The following ABCA10 variants were observed in gnomAD, a reference collection of about 807,000 sequenced individuals.
ABCA10 encodes ATP-binding cassette sub-family A member 10.
In ABCA10, 169 loss-of-function variants were observed where a neutral mutation model predicts 187.5. The observed-to-expected ratio is 0.90, with a 90% CI of 0.80 to 1.02. The LOEUF is 1.02. ABCA10 is among the 50% of genes least tolerant of loss of function. The pLI is 0.00. For synonymous variants in ABCA10, 574 were observed against 601.8 expected (o/e 0.95, Z 0.68); for missense variants, 1,727 against 1,812.4 (o/e 0.95, Z 0.86).
chr17:69,236,066 A>G (rs2074868428), intron 1 of ABCA10, among the ~76,000 whole-genome samples: 2 of 152,204 alleles, frequency 1.3e-5, no homozygotes, highest in Admixed American at 6.5e-5. Context: ...GACAAAGATA[A>G]GATCCTGGGT....
chr17:69,239,360 G>A (rs1035705764), intron 1 of ABCA10, among the ~76,000 whole-genome samples: 3 of 152,150 alleles, frequency 2.0e-5, no homozygotes, highest in African/African-American at 7.2e-5. Context: ...AAACATGTGA[G>A]CTGCAAAAGA....
intron 6 of ABCA10, among the ~76,000 whole-genome samples, chr17:69,217,419 A>T (rs1279383313): frequency 6.6e-6 from 1 of 152,164 alleles, no homozygotes; most frequent in Non-Finnish European, 1.5e-5. Flanking sequence ...CATTTTTCCC[A>T]GAAAAATTAA....
chr17:69,160,251 G>T (rs1410624146), intron 27 of ABCA10, among the ~76,000 whole-genome samples: 1 of 152,086 alleles, frequency 6.6e-6, no homozygotes, highest in African/African-American at 2.4e-5. Flanking sequence ...TTAATATTCA[G>T]AATATATTTT....
chr17:69,153,549 G>A lies in ABCA10; in HGVS notation c.3966-3C>T. Reference sequence around the variant, plus strand: ...GGAGCTTAAGAGCTTCCACCAATCTGACAAAAAACAGTGTGATTATACATG... The same window carrying A: ...GGAGCTTAAGAGCTTCCACCAATCTAACAAAAAACAGTGTGATTATACATG... On this transcript the variant is annotated splice_region_variant and splice_polypyrimidine_tract_variant and intron_variant, in intron 32 of 38. Coordinates refer to ENST00000690296, the MANE Select transcript of ABCA10 (RefSeq NM_001377321.1). 1 of 1,613,204 alleles carries A rather than the reference G, an allele frequency of 6.2e-7. No individual in the cohort carries two copies.
upstream of ABCA10, among the ~76,000 whole-genome samples, chr17:69,230,788 G>A (rs978636609): frequency 1.3e-5 from 2 of 152,002 alleles, no homozygotes; most frequent in Admixed American, 1.3e-4. Context: ...CAACACCACT[G>A]CAGAATCCTT....
chr17:69,222,174 G>A (rs1474539197), intron 4 of ABCA10, among the ~76,000 whole-genome samples: 6 of 151,970 alleles, frequency 3.9e-5, no homozygotes, highest in South Asian at 4.2e-4. Flanking sequence ...GACCAACATG[G>A]TGAAACCCCA....
intron 28 of ABCA10, 145 bp from the exon 29 acceptor site, chr17:69,156,070 G>A: frequency 1.1e-6 from 1 of 946,930 alleles, no homozygotes; most frequent in Non-Finnish European, 1.5e-6. Flanking sequence ...CTTCTTGGCA[G>A]TAATAACACC....
chr17:69,210,845 C>CATATATATATATATATAAATATAT (rs1568069877), intron 9 of ABCA10, among the ~76,000 whole-genome samples: 1 of 13,246 alleles, frequency 7.5e-5, no homozygotes, highest in African/African-American at 4.2e-4. Context: ...ATATTTATGC[C>CATATATATATATATATAAATATAT]ACATATATAT....
chr17:69,149,270 A>T (rs2074110514), intron 37 of ABCA10, 182 bp from the exon 38 acceptor site: 3 of 615,260 alleles, frequency 4.9e-6, no homozygotes, highest in Non-Finnish European at 8.2e-6. Context: ...GCCATGCATG[A>T]ACATATTCAG....
At chr17:69,152,510 T>C (rs774548445) in intron 34 of ABCA10, 29 bp from the exon 35 acceptor site, 1 of 1,580,996 alleles carries the variant, frequency 6.3e-7, no homozygotes, top group South Asian at 1.2e-5. Flanking sequence ...ATTGTTTGCA[T>C]TTAGAAAGTA....
intron 9 of ABCA10, among the ~76,000 whole-genome samples, chr17:69,210,572 A>G (rs12451663): frequency 0.64 from 97,393 of 151,254 alleles, 31,824 homozygotes; most frequent in Middle Eastern, 0.68. Flanking sequence ...TTATCCTTCA[A>G]CCCCTCATCC....
At chr17:69,222,895 A>G (rs2074761460) in intron 3 of ABCA10, among the ~76,000 whole-genome samples, 198 bp from the exon 4 acceptor site, 1 of 152,182 alleles carries the variant, frequency 6.6e-6, no homozygotes, top group Admixed American at 6.5e-5. Context: ...CAAAGGACAC[A>G]TTGTCTTTTA....
In ABCA10 at chr17:69,193,389, T is replaced by A. The variant is rs1181497263; in HGVS notation, c.1641+104A>T. 15 of 1,504,820 alleles carry A rather than the reference T, an allele frequency of 1.0e-5. No homozygotes were observed. The East Asian group carries it at 3.3e-4, about 33-fold the overall frequency. 93.2% of individuals were successfully genotyped at this position (1,504,820 alleles called of 1,614,324 possible). ...AACAAGCTTGCATGGTACTTTATTA[T>A]AAATTTTCCCTCACATTTGGTAATT... is the stretch of plus-strand genomic sequence containing the variant. On this transcript the variant is annotated intron_variant, in intron 14 of 38. Coordinates refer to ENST00000690296, the MANE Select transcript of ABCA10 (RefSeq NM_001377321.1).
At chr17:69,221,997 G>A (rs2074752117) in intron 4 of ABCA10, 102 bp from the exon 5 acceptor site, 12 of 834,284 alleles carry the variant, frequency 1.4e-5, no homozygotes, top group Non-Finnish European at 2.0e-5. Context: ...CTAAATGTTA[G>A]CTCAAAGCCT....
At chr17:69,217,937 CAATT>C (rs2074718539) in intron 6 of ABCA10, among the ~76,000 whole-genome samples, 2 of 152,050 alleles carry the variant, frequency 1.3e-5, no homozygotes, top group South Asian at 4.1e-4. Flanking sequence ...TGCAACATAT[CAATT>C]AATAAAAAAA....
chr17:69,157,448 G>C (rs1054906682), intron 27 of ABCA10, among the ~76,000 whole-genome samples: 2 of 152,108 alleles, frequency 1.3e-5, no homozygotes, highest in African/African-American at 4.8e-5. Context: ...GAACCCTCAG[G>C]ATATTGCTAA....
intron 9 of ABCA10, among the ~76,000 whole-genome samples, chr17:69,213,881 A>G (rs2074680172): frequency 6.6e-6 from 1 of 152,200 alleles, no homozygotes; most frequent in Non-Finnish European, 1.5e-5. Context: ...TATTACCTTT[A>G]ATAACATTAT....
At position 69,237,424 on chromosome 17, in the gene ABCA10, C is replaced by T. The variant is rs2074878910; in HGVS notation, c.-593+7105G>A. Among the ~76,000 whole-genome samples the T allele has an allele frequency of 2.0e-5, 3 of 152,292 alleles. No homozygotes were observed. The South Asian group carries it at 6.2e-4, about 32-fold the overall frequency. On this transcript the variant is annotated intron_variant, in intron 1 of 39. Coordinates refer to the ABCA10 transcript ENST00000269081. ...CTACTCAACTGAAGCCAACAGTTGG[C>T]TGAATTTGCTCTAGACTAATATCCT...
intron 3 of ABCA10, among the ~76,000 whole-genome samples, chr17:69,224,179 A>T (rs1441174515): frequency 6.6e-6 from 1 of 152,182 alleles, no homozygotes; most frequent in Non-Finnish European, 1.5e-5. Flanking sequence ...TAGGTTAGGC[A>T]CAGAATATTA....
Sources: allele counts gnomAD v4.1 joint callset (sites outside exome capture counted in the v4.1 genomes callset), GRCh38; gene constraint gnomAD v4.1.1; transcripts MANE v1.5; gene names NCBI Gene and HGNC (gene_info 2026-07-23, HGNC 2026-07-21).